The following SORCS1 variants were observed in gnomAD, a reference collection of about 807,000 sequenced individuals.
SORCS1 encodes the protein sortilin related VPS10 domain containing receptor 1.
In SORCS1, 60 loss-of-function variants were observed where a neutral mutation model predicts 146.1. The observed-to-expected ratio is 0.41, with a 90% confidence interval of 0.33 to 0.51. The LOEUF is 0.51. Ranked by LOEUF, SORCS1 falls within the 20% of genes least tolerant of loss-of-function variation. SORCS1 has a pLI of 0.21. For synonymous variants in SORCS1, 637 were observed against 584.0 expected (o/e 1.09, Z -1.31); for missense variants, 1,352 against 1,487.6 (o/e 0.91, Z 1.50).
At chr10:106,995,591 G>A (rs1056625394) in intron 1 of SORCS1, among the ~76,000 whole-genome samples, 1 of 152,138 alleles carries the variant, frequency 6.6e-6, no homozygotes, top group African/African-American at 2.4e-5. Flanking sequence ...TGAGATACAT[G>A]TTCATAAAAG....
chr10:107,117,428 C>T (rs1305946277), intron 1 of SORCS1, among the ~76,000 whole-genome samples: 1 of 152,174 alleles, frequency 6.6e-6, no homozygotes, highest in Non-Finnish European at 1.5e-5. Flanking sequence ...TTGCTTTGCT[C>T]TCAACAGGCC....
At chr10:106,718,384 C>T (rs887573905) in intron 6 of SORCS1, among the ~76,000 whole-genome samples, 2 of 152,194 alleles carry the variant, frequency 1.3e-5, no homozygotes, top group Admixed American at 6.5e-5. Context: ...AAGCTGCAGA[C>T]CCTCACGGTG....
At chr10:106,899,735 G>T (rs1196205867) in intron 2 of SORCS1, among the ~76,000 whole-genome samples, 1 of 151,520 alleles carries the variant, frequency 6.6e-6, no homozygotes, top group African/African-American at 2.4e-5. Flanking sequence ...TGACTCCCAA[G>T]GGCTTTCAAG....
At chr10:106,857,371 C>T (rs1949829242) in intron 2 of SORCS1, among the ~76,000 whole-genome samples, 1 of 152,194 alleles carries the variant, frequency 6.6e-6, no homozygotes, top group African/African-American at 2.4e-5. Flanking sequence ...AAGACTCAGG[C>T]TATAGAGGGA....
intron 18 of SORCS1, among the ~76,000 whole-genome samples, chr10:106,646,665 C>A (rs1006332682): frequency 2.0e-5 from 3 of 151,962 alleles, no homozygotes; most frequent in Admixed American, 1.3e-4. Context: ...CCACTGCACT[C>A]CAGCCTGGGC....
At chr10:106,761,534 G>C in intron 5 of SORCS1, 54 bp downstream of exon 5, 1 of 1,491,202 alleles carries the variant, frequency 6.7e-7, no homozygotes. Flanking sequence ...CATTTACTAG[G>C]TCATATCTGA....
At chr10:106,757,848 T>C (rs1858770766) in intron 5 of SORCS1, among the ~76,000 whole-genome samples, 1 of 152,242 alleles carries the variant, frequency 6.6e-6, no homozygotes, top group African/African-American at 2.4e-5. Flanking sequence ...ATTCAAATTC[T>C]GGCTCTGGCA....
chr10:107,166,626 T>G (rs906395284), upstream of SORCS1, among the ~76,000 whole-genome samples: 1 of 152,208 alleles, frequency 6.6e-6, no homozygotes, highest in East Asian at 1.9e-4. Context: ...GCAAATGTTC[T>G]TTGTCAAAAC....
chr10:106,750,590 T>A (rs13376948), intron 5 of SORCS1, among the ~76,000 whole-genome samples: 1 of 145,770 alleles, frequency 6.9e-6, no homozygotes, highest in Non-Finnish European at 1.5e-5. Flanking sequence ...TTAGCCAGGC[T>A]TGGTGGCGGA....
At position 107,164,631 on chromosome 10, in the gene SORCS1, T is replaced by C. The variant is rs1969977364; in HGVS notation, c.-105A>G. On this transcript the variant is annotated 5_prime_UTR_variant, in exon 1 of 26. An upstream start codon of the reference 5' UTR is lost. Transcript: ENST00000263054. This position sits in a 1 kb window ranked among gnomAD's most constrained non-coding sequence, Gnocchi z 6.8. ...GCCGGCGCTCAGGACCCCAACTCCA[T>C]CCAAGTTGCGCCGCGGTGGGGGCGG... 5 of 959,754 alleles carry C rather than the reference T, an allele frequency of 5.2e-6. No individual in the cohort carries two copies. The highest frequency in any genetic ancestry group is 6.8e-6 in the Non-Finnish European group (5 of 734,600). 59.5% of individuals were successfully genotyped at this position (959,754 alleles called of 1,614,324 possible). A position where few individuals can be genotyped will look rare whatever the true frequency, so the allele number is the denominator to read the frequency against.
At chr10:106,872,862 T>A (rs1290124853) in intron 2 of SORCS1, among the ~76,000 whole-genome samples, 2 of 152,146 alleles carry the variant, frequency 1.3e-5, no homozygotes, top group Non-Finnish European at 2.9e-5. Flanking sequence ...TAAAGATGCA[T>A]CATGTTTCTT....
At chr10:106,599,539 T>A (rs780037485) in intron 23 of SORCS1, among the ~76,000 whole-genome samples, 1 of 152,108 alleles carries the variant, frequency 6.6e-6, no homozygotes, top group Non-Finnish European at 1.5e-5. Context: ...TAGAGGTCTA[T>A]CACAAAGGTT....
At chr10:106,746,218 G>A (rs1182491135) in intron 5 of SORCS1, among the ~76,000 whole-genome samples, 1 of 152,180 alleles carries the variant, frequency 6.6e-6, no homozygotes, top group Non-Finnish European at 1.5e-5. Context: ...TTAGTTCACT[G>A]TTTTTTACCA....
intron 18 of SORCS1, among the ~76,000 whole-genome samples, chr10:106,649,092 C>T (rs983718394): frequency 5.9e-5 from 9 of 152,168 alleles, no homozygotes; most frequent in African/African-American, 2.2e-4. Context: ...CTCAATAAAA[C>T]CTTGCACTCA....
intron 3 of SORCS1, among the ~76,000 whole-genome samples, chr10:106,790,766 T>C (rs1946280304): frequency 1.3e-5 from 2 of 151,996 alleles, no homozygotes; most frequent in South Asian, 4.2e-4. Flanking sequence ...GCCGGACAGG[T>C]TTTTAAGCTA....
At chr10:107,127,631 C>T (rs1288186711) in intron 1 of SORCS1, among the ~76,000 whole-genome samples, 1 of 152,168 alleles carries the variant, frequency 6.6e-6, no homozygotes, top group Non-Finnish European at 1.5e-5. Flanking sequence ...CATCTCACGC[C>T]TTTTCTGATT....
chr10:107,068,808 T>G (rs542432650), intron 1 of SORCS1, among the ~76,000 whole-genome samples: 4 of 149,886 alleles, frequency 2.7e-5, no homozygotes, highest in Non-Finnish European at 4.4e-5. Flanking sequence ...AGGCAGAGCT[T>G]GCAGTGAGAA....
intron 1 of SORCS1, among the ~76,000 whole-genome samples, chr10:106,976,704 C>T (rs1393171101): frequency 6.6e-6 from 1 of 152,066 alleles, no homozygotes; most frequent in East Asian, 1.9e-4. Flanking sequence ...TGCCTCTCAC[C>T]CCCAATTGGC....
intron 1 of SORCS1, among the ~76,000 whole-genome samples, chr10:107,020,143 A>G (rs960375070): frequency 6.6e-6 from 1 of 152,254 alleles, no homozygotes; most frequent in Non-Finnish European, 1.5e-5. Context: ...GTGCCCAGAC[A>G]AGAATGATAA....
Sources: gnomAD v4.1 joint callset for allele counts (sites outside exome capture counted in the v4.1 genomes callset) on GRCh38, gnomAD v4.1.1 for gene constraint, Gnocchi (gnomAD v3.1) non-coding constraint, MANE v1.5 for transcripts, NCBI Gene and HGNC (gene_info 2026-07-23, HGNC 2026-07-21) for gene names.